The following SLC9A4 variants were observed in gnomAD, a reference collection of about 807,000 sequenced individuals.
The protein encoded by SLC9A4 is solute carrier family 9 member A4.
SLC9A4 carries 63 observed loss-of-function variants against 67.4 expected under a neutral mutation model. That is an observed-to-expected ratio of 0.93 (90% CI 0.76 to 1.15). The LOEUF (loss-of-function observed/expected upper bound fraction) is 1.15. Among genes scored for constraint, SLC9A4 ranks in the 50% most tolerant of loss-of-function variants. SLC9A4 has a pLI of 0.00. For missense variants in SLC9A4, 1,089 were observed against 987.7 expected, an observed-to-expected ratio of 1.10 and a Z score of -1.38; for synonymous variants, 393 against 367.2, an observed-to-expected ratio of 1.07 and a Z score of -0.80.
chr2:102,494,627 A>T (rs1228648333), intron 2 of SLC9A4, among the ~76,000 whole-genome samples: 4 of 152,130 alleles, frequency 2.6e-5, no homozygotes, highest in Non-Finnish European at 5.9e-5. Flanking sequence ...AATAAGGTGA[A>T]AGTAAATGGA....
Position 102,473,563 on chromosome 2 carries a change from C to T in SLC9A4, c.-197C>T, listed in dbSNP as rs1684264942. On this transcript the variant is annotated 5_prime_UTR_variant, in exon 1 of 12. Transcript: ENST00000295269. ...AGTTGGAAGCTGAGTTGCCTGAACA[C>T]AAACGATTTAAACCAGATTAGAAAG... is the stretch of plus-strand genomic sequence containing the variant. 3.2e-6 allele frequency: 2 copies of T among 626,090 alleles called. No individual in the cohort carries two copies. The highest frequency in any genetic ancestry group is 1.8e-5 in the African/African-American group (1 of 54,170). 38.8% of individuals were successfully genotyped at this position (626,090 alleles called of 1,614,324 possible). A position where few individuals can be genotyped will look rare whatever the true frequency, so the allele number is the denominator to read the frequency against.
intron 2 of SLC9A4, among the ~76,000 whole-genome samples, chr2:102,486,735 T>C (rs568264124): frequency 6.6e-6 from 1 of 152,272 alleles, no homozygotes; most frequent in East Asian, 1.9e-4. Flanking sequence ...TTAATCTGAC[T>C]TCAAAGGGTG....
chr2:102,488,571 C>T lies in SLC9A4; in HGVS notation c.720+9269C>T, dbSNP rs561748519. Among the ~76,000 whole-genome samples, 349 of 133,824 alleles carry T rather than the reference C, an allele frequency of 2.6e-3. 1 individual carries two copies. Among genetic ancestry groups the T allele is most frequent in the Middle Eastern group, 4.4e-3 (1 of 226 alleles). The allele number at this position is 133,824 out of a possible 152,430, so 87.8% of individuals were successfully genotyped here. A position where few individuals can be genotyped will look rare whatever the true frequency, so the allele number is the denominator to read the frequency against. On this transcript the variant is annotated intron_variant, in intron 2 of 11. Transcript: ENST00000295269. The stretch of plus-strand genomic sequence containing the variant: ...TCCTTTTTTTTTTTTTTTTTTGAGA[C>T]GGAGTCTCGCTCTGTTGCCCAGGCT...
In SLC9A4 at chr2:102,518,231, T is replaced by G. The variant is rs192920747; in HGVS notation, c.1722-1628T>G. ...TTATAAACTGGGAAGAGTGCCAAGTTACAGCTACTGCTATATCAAGTGTAA... is the reference window on the plus strand; with the variant it reads ...TTATAAACTGGGAAGAGTGCCAAGTGACAGCTACTGCTATATCAAGTGTAA... On this transcript the variant is annotated intron_variant, in intron 8 of 11. Transcript: ENST00000295269. Among the ~76,000 whole-genome samples the G allele has an allele frequency of 9.0e-3, 1,373 of 152,334 alleles. 16 individuals are homozygous for G. The highest frequency in any genetic ancestry group is 0.026 in the African/African-American group (1,098 of 41,570).
Position 102,525,172 on chromosome 2 carries a change from G to T in SLC9A4, c.1950+17G>T. Reference sequence around the variant, plus strand: ...GGAAAGCCGGTACATTGGGGCTGGGGACTGGGACATTCCTTCAGTGTGCAA... The same window carrying T: ...GGAAAGCCGGTACATTGGGGCTGGGTACTGGGACATTCCTTCAGTGTGCAA... On this transcript the variant is annotated intron_variant, in intron 10 of 11. Transcript: ENST00000295269. 6.2e-7 allele frequency: 1 copy of T among 1,613,676 alleles called. No individual in the cohort carries two copies. Among genetic ancestry groups the T allele is most frequent in the South Asian group, 1.1e-5 (1 of 91,016 alleles).
chr2:102,521,443 G>T (rs1685417193), intron 9 of SLC9A4, among the ~76,000 whole-genome samples: 1 of 152,120 alleles, frequency 6.6e-6, no homozygotes, highest in Non-Finnish European at 1.5e-5. Flanking sequence ...TAAGTTTATT[G>T]CTGATGACCT....
intron 11 of SLC9A4, among the ~76,000 whole-genome samples, chr2:102,529,621 C>A (rs1168103163): frequency 1.3e-5 from 2 of 152,176 alleles, no homozygotes; most frequent in African/African-American, 4.8e-5. Context: ...TGTAATCAAG[C>A]ACAATTGATC....
At position 102,519,932 on chromosome 2, in the gene SLC9A4, A is replaced by C. The variant is rs746703080; in HGVS notation, c.1795A>C (p.Asn599His). The C allele has an allele frequency of 3.1e-6, 5 of 1,613,592 alleles. No individual in the cohort carries two copies. Among genetic ancestry groups the C allele is most frequent in the Non-Finnish European group, 4.2e-6 (5 of 1,179,664 alleles). The change falls in exon 9 of 12, where the codon AAC becomes CAC. Residue 599 changes from asparagine to histidine, a missense_variant. Transcript: ENST00000295269. ...VESIRDILTS[N>H]MYQVRQRTLS... ...GTCCATAAGGGACATTCTGACATCC[A>C]ACATGTACCAAGTTCGGCAAAGGGT...
At chr2:102,506,885 A>C (rs1685061949) in intron 4 of SLC9A4, among the ~76,000 whole-genome samples, 1 of 152,162 alleles carries the variant, frequency 6.6e-6, no homozygotes, top group Admixed American at 6.5e-5. Flanking sequence ...CCACCAAAAC[A>C]GTGACAAAAT....
chr2:102,512,794 C>T (rs922450746), intron 7 of SLC9A4, among the ~76,000 whole-genome samples: 3 of 152,148 alleles, frequency 2.0e-5, no homozygotes, highest in African/African-American at 7.2e-5. Context: ...GACTTAGTTT[C>T]CAGTTCAGGA....
At chr2:102,499,093 C>T (rs1684868835) in intron 2 of SLC9A4, among the ~76,000 whole-genome samples, 1 of 152,154 alleles carries the variant, frequency 6.6e-6, no homozygotes, top group African/African-American at 2.4e-5. Flanking sequence ...TTAAGCTCAT[C>T]AGGAACCCAC....
rs373445180 is a variant in SLC9A4, at chr2:102,519,909, C to T, written c.1772C>T (p.Ser591Phe). 2,569 of 1,613,788 alleles carry T rather than the reference C, an allele frequency of 1.6e-3. 64 individuals carry two copies. In the South Asian group the frequency reaches 0.027, roughly 17 times the overall value. The change falls in exon 9 of 12, where the codon TCC (serine) becomes TTC (phenylalanine). Residue 591 changes from serine to phenylalanine, a missense_variant. Coordinates refer to ENST00000295269, the MANE Select transcript of SLC9A4 (RefSeq NM_001011552.4). The part of the protein sequence containing the change: ...IKRLSPEDVE[S>F]IRDILTSNMY... ...AGACTTTCCCCTGAAGATGTGGAGT[C>T]CATAAGGGACATTCTGACATCCAAC...
chr2:102,494,999 TA>T (rs1363360107), intron 2 of SLC9A4, among the ~76,000 whole-genome samples: 2 of 152,086 alleles, frequency 1.3e-5, no homozygotes, highest in African/African-American at 4.8e-5. Context: ...TTCCTATTCA[TA>T]GAATATTAGG....
chr2:102,485,847 A>C (rs1046067206), intron 2 of SLC9A4, among the ~76,000 whole-genome samples: 1 of 152,184 alleles, frequency 6.6e-6, no homozygotes, highest in Non-Finnish European at 1.5e-5. Flanking sequence ...TGTCACCGCC[A>C]AACTTCAGAG....
chr2:102,486,120 A>C (rs1684583646), intron 2 of SLC9A4, among the ~76,000 whole-genome samples: 1 of 152,138 alleles, frequency 6.6e-6, no homozygotes, highest in African/African-American at 2.4e-5. Context: ...TCTTATTCAA[A>C]AAGTAGTAAA....
In SLC9A4 at chr2:102,479,269, TG is replaced by T; in HGVS notation, c.691del (p.Glu231ArgfsTer16). 1 of 1,613,138 alleles carries T rather than the reference TG, an allele frequency of 6.2e-7. No individual in the cohort carries two copies. The highest frequency in any genetic ancestry group is 8.5e-7 in the Non-Finnish European group (1 of 1,179,606). Reference sequence around the variant, plus strand: ...ACGAGCAGCTCTACATGATGATCTTTGGGGAGGCCCTGCTCAATGATGGCAT... The same window carrying T: ...ACGAGCAGCTCTACATGATGATCTTTGGGAGGCCCTGCTCAATGATGGCAT... ...VNEQLYMMIF[G>X]EALLNDGITV... On this transcript the variant is annotated frameshift_variant, in exon 2 of 12. Coordinates refer to ENST00000295269, the MANE Select transcript of SLC9A4 (RefSeq NM_001011552.4). LOFTEE classifies it high-confidence loss of function.
At chr2:102,500,142 C>G (rs1334470981) in intron 2 of SLC9A4, among the ~76,000 whole-genome samples, 2 of 152,102 alleles carry the variant, frequency 1.3e-5, no homozygotes, top group Admixed American at 6.5e-5. Flanking sequence ...AATCCAATGC[C>G]TGATGTCCTT....
intron 11 of SLC9A4, among the ~76,000 whole-genome samples, chr2:102,528,531 C>T (rs866297458): frequency 1.2e-4 from 19 of 152,132 alleles, no homozygotes; most frequent in African/African-American, 4.6e-4. Flanking sequence ...TCCTAACATG[C>T]TAGGATTATA....
chr2:102,493,639 G>T (rs1318248936), intron 2 of SLC9A4, among the ~76,000 whole-genome samples: 1 of 151,678 alleles, frequency 6.6e-6, no homozygotes, highest in Non-Finnish European at 1.5e-5. Flanking sequence ...GAAGAGATTT[G>T]GGTGGGGACA....
Sources: gnomAD v4.1 joint callset for allele counts (sites outside exome capture counted in the v4.1 genomes callset) on GRCh38, gnomAD v4.1.1 for gene constraint, MANE v1.5 for transcripts, NCBI Gene and HGNC (gene_info 2026-07-23, HGNC 2026-07-21) for gene names.